The following GSE1 variants were observed in gnomAD, a reference collection of about 807,000 sequenced individuals.
GSE1 encodes genetic suppressor element 1.
A neutral mutation model predicts 112.6 loss-of-function variants in GSE1; 32 were observed. The ratio of observed to expected loss-of-function variants is 0.28; its 90% confidence interval spans 0.21 to 0.38. The LOEUF is 0.38. Among genes scored for constraint, GSE1 ranks in the 10% least tolerant of loss-of-function variants. The pLI is 1.00. For missense variants in GSE1, 2,348 were observed against 1,699.2 expected (o/e 1.38, Z -6.71); for synonymous variants, 1,115 against 735.6 (o/e 1.52, Z -8.35).
intron 1 of GSE1, among the ~76,000 whole-genome samples, chr16:85,181,139 C>T (rs1450388397): frequency 6.6e-6 from 1 of 152,230 alleles, no homozygotes; most frequent in Non-Finnish European, 1.5e-5. Flanking sequence ...TCCGCTGGCC[C>T]CGGGATCCTT....
intron 2 of GSE1, among the ~76,000 whole-genome samples, chr16:85,516,947 G>A (rs1359665283): frequency 6.6e-6 from 1 of 152,114 alleles, no homozygotes; most frequent in Non-Finnish European, 1.5e-5. Flanking sequence ...ACAGGCGCCT[G>A]TCACCACGCC....
chr16:85,310,341 G>A (rs1035512911), intron 1 of GSE1, among the ~76,000 whole-genome samples: 6 of 152,212 alleles, frequency 3.9e-5, no homozygotes, highest in African/African-American at 1.2e-4. Flanking sequence ...GCCTTAATAT[G>A]TGTGAACCAG....
intron 2 of GSE1, among the ~76,000 whole-genome samples, chr16:85,421,789 G>A (rs1240471566): frequency 6.6e-6 from 1 of 152,170 alleles, no homozygotes; most frequent in African/African-American, 2.4e-5. Flanking sequence ...CCCCAGAGAG[G>A]TAGATGGGGA....
chr16:85,245,294 G>A (rs187970051), intron 1 of GSE1, among the ~76,000 whole-genome samples: 12 of 152,334 alleles, frequency 7.9e-5, no homozygotes, highest in Non-Finnish European at 1.5e-4. Context: ...TATTAAAGCT[G>A]GAGATTGGCT....
intron 2 of GSE1, among the ~76,000 whole-genome samples, chr16:85,358,885 A>G (rs1455975930): frequency 6.6e-6 from 1 of 152,174 alleles, no homozygotes; most frequent in Non-Finnish European, 1.5e-5. Flanking sequence ...AAGCCAGGCC[A>G]TTGTCGGGGA....
chr16:85,614,482 A>T (rs1460411739), intron 1 of GSE1, among the ~76,000 whole-genome samples: 1 of 151,638 alleles, frequency 6.6e-6, no homozygotes, highest in South Asian at 2.1e-4. Flanking sequence ...TGCGGTGGAG[A>T]CTCGAGGCGC....
chr16:85,492,906 C>T (rs2051054879), intron 2 of GSE1, among the ~76,000 whole-genome samples: 1 of 152,138 alleles, frequency 6.6e-6, no homozygotes, highest in Non-Finnish European at 1.5e-5. Flanking sequence ...AGGTAGACAC[C>T]CCTGCCCTGG....
At chr16:85,364,908 C>T (rs761497738) in intron 2 of GSE1, among the ~76,000 whole-genome samples, 23 of 152,232 alleles carry the variant, frequency 1.5e-4, no homozygotes, top group Non-Finnish European at 1.9e-4. Context: ...GCTGTCTGTG[C>T]GCTGCCCAGG....
rs868118812 is a variant in GSE1, at chr16:85,526,763, C to T, written c.2465-107151C>T. On this transcript the variant is annotated intron_variant, in intron 2 of 2. Coordinates refer to the GSE1 transcript ENST00000637419. ...CCTCACTTCTGATGATGGATAAAGA[C>T]GTCCGCTCGCTCTCTTACAGGCGAC... is the stretch of plus-strand genomic sequence containing the variant. 2.6e-5 allele frequency among the ~76,000 whole-genome samples: 4 copies of T among 152,328 alleles called. No individual in the cohort carries two copies. The Middle Eastern group carries it at 0.01, about 389-fold the overall frequency.
chr16:85,499,452 A>G (rs2051291897), intron 2 of GSE1, among the ~76,000 whole-genome samples: 1 of 151,880 alleles, frequency 6.6e-6, no homozygotes, highest in Admixed American at 6.6e-5. Flanking sequence ...CTGTGACTAC[A>G]GGCACCCGCC....
intron 2 of GSE1, among the ~76,000 whole-genome samples, chr16:85,439,180 G>A (rs1021819660): frequency 2.6e-5 from 4 of 152,226 alleles, no homozygotes; most frequent in Non-Finnish European, 4.4e-5. Context: ...CCCCTCACCC[G>A]GCACTGACCT....
At chr16:85,282,501 C>T (rs775294026) in intron 1 of GSE1, among the ~76,000 whole-genome samples, 15 of 152,160 alleles carry the variant, frequency 9.9e-5, no homozygotes, top group Admixed American at 1.3e-4. Context: ...TTACCGAACC[C>T]GGTGAGGGCT....
chr16:85,556,445 G>C lies in GSE1; in HGVS notation c.37+82G>C, dbSNP rs930613575. 3 of 582,512 alleles carry C rather than the reference G, an allele frequency of 5.2e-6. No individual in the cohort carries two copies. The African/African-American group carries it at 6.2e-5, about 12-fold the overall frequency. 36.1% of individuals were successfully genotyped at this position (582,512 alleles called of 1,614,324 possible). ...TCCCTCACCCGACCCCCCTCCGCCA[G>C]ACCCCCGAGCCAGGGTCGGGGCATT... On this transcript the variant is annotated intron_variant, in intron 1 of 2. Transcript: ENST00000635906.
intron 1 of GSE1, among the ~76,000 whole-genome samples, chr16:85,275,110 C>T (rs1015533956): frequency 2.1e-4 from 32 of 152,284 alleles, no homozygotes; most frequent in African/African-American, 6.5e-4. Flanking sequence ...GAGCATCAGC[C>T]GATCCGCAGA....
intron 2 of GSE1, among the ~76,000 whole-genome samples, chr16:85,476,450 C>T (rs1298432261): frequency 6.6e-6 from 1 of 152,204 alleles, no homozygotes; most frequent in African/African-American, 2.4e-5. Context: ...AATCCTGGAA[C>T]TCACGTCTGC....
chr16:85,552,763 C>G (rs1027750307), upstream of GSE1, among the ~76,000 whole-genome samples: 4 of 152,232 alleles, frequency 2.6e-5, no homozygotes, highest in African/African-American at 4.8e-5. Context: ...CTGGCATAGT[C>G]TTCCCCACTG....
At chr16:85,640,187 C>G (rs2151807262) in intron 2 of GSE1, among the ~76,000 whole-genome samples, 1 of 152,186 alleles carries the variant, frequency 6.6e-6, no homozygotes, top group East Asian at 1.9e-4. Flanking sequence ...GAGCCCGTTC[C>G]CACCCCGCCT....
chr16:85,671,427 G>T (rs1021934913), intron 15 of GSE1, among the ~76,000 whole-genome samples: 1 of 82,236 alleles, frequency 1.2e-5, no homozygotes, highest in African/African-American at 5.1e-5. Context: ...GCGACAGAGC[G>T]AGACTCCGTC....
intron 1 of GSE1, among the ~76,000 whole-genome samples, chr16:85,331,363 G>GTATATATATGTATATATATGTATATATA (rs1396264079): frequency 0.012 from 531 of 45,410 alleles, 72 homozygotes; most frequent in Non-Finnish European, 0.022. Context: ...GTGTGTGTGT[G>GTATATATATGTATATATATGTATATATA]TGTATATATG....
Sources: allele counts gnomAD v4.1 joint callset (sites outside exome capture counted in the v4.1 genomes callset), GRCh38; gene constraint gnomAD v4.1.1; transcripts MANE v1.5; gene names NCBI Gene and HGNC (gene_info 2026-07-23, HGNC 2026-07-21).